The following KMT5A variants were observed in gnomAD, a reference collection of about 807,000 sequenced individuals.
KMT5A encodes N-lysine methyltransferase KMT5A.
KMT5A carries 6 observed loss-of-function variants against 40.6 expected under a neutral mutation model. The observed-to-expected ratio is 0.15, with a 90% CI of 0.08 to 0.29. The LOEUF (loss-of-function observed/expected upper bound fraction) is 0.29, where lower values mean the gene tolerates loss of function less well. Ranked by LOEUF, KMT5A falls within the 10% of genes least tolerant of loss-of-function variation. The pLI is 1.00. For missense variants in KMT5A, 308 were observed against 459.1 expected, an observed-to-expected ratio of 0.67 and a Z score of 3.01; for synonymous variants, 153 against 178.8, an observed-to-expected ratio of 0.86 and a Z score of 1.15.
In KMT5A at chr12:123,384,686, C is replaced by A. The variant is rs892915894; in HGVS notation, c.10+478C>A. 6.6e-6 allele frequency among the ~76,000 whole-genome samples: 1 copy of A among 152,250 alleles called. No individual in the cohort carries two copies. The highest frequency in any genetic ancestry group is 1.5e-5 in the Non-Finnish European group (1 of 68,048). The stretch of plus-strand genomic sequence containing the variant: ...GCGTCAGGGTGGACACCGCAGCAGG[C>A]GCCTTTCCTCCCTCCCCACGTCCTG... On this transcript the variant is annotated intron_variant, in intron 1 of 7. Coordinates refer to ENST00000402868, the MANE Select transcript of KMT5A (RefSeq NM_020382.7). This position sits in a 1 kb window ranked among gnomAD's most constrained non-coding sequence, Gnocchi z 5.7.
chr12:123,384,376 C>T lies in KMT5A; in HGVS notation c.10+168C>T, dbSNP rs1457843105. ...GGGTGCTGCTGCGGAACCCGCCGGC[C>T]CCCCCTTGCGGCTCCAGATGCCCCC... On this transcript the variant is annotated intron_variant, in intron 1 of 7. Coordinates refer to ENST00000402868, the MANE Select transcript of KMT5A (RefSeq NM_020382.7). The surrounding 1 kb of genome is among the most constrained non-coding windows in gnomAD (Gnocchi z 5.7). Among the ~76,000 whole-genome samples, 2 of 152,160 alleles carry T rather than the reference C, an allele frequency of 1.3e-5. No individual in the cohort carries two copies. The highest frequency in any genetic ancestry group is 2.9e-5 in the Non-Finnish European group (2 of 68,012).
At chr12:123,392,797 G>C (rs1263062424) in intron 3 of KMT5A, among the ~76,000 whole-genome samples, 4 of 152,212 alleles carry the variant, frequency 2.6e-5, no homozygotes, top group Non-Finnish European at 4.4e-5. Flanking sequence ...TCCTGGGCCT[G>C]ATGTCCTGGC....
At chr12:123,393,516 G>C (rs146874808) in intron 3 of KMT5A, among the ~76,000 whole-genome samples, 1 of 151,932 alleles carries the variant, frequency 6.6e-6, no homozygotes, top group Non-Finnish European at 1.5e-5. Flanking sequence ...GTTCATCCGC[G>C]GTGTAATAAG....
At chr12:123,386,210 A>ATTTTTT (rs59509232) in intron 1 of KMT5A, among the ~76,000 whole-genome samples, 1 of 79,838 alleles carries the variant, frequency 1.3e-5, no homozygotes, top group Non-Finnish European at 2.5e-5. Flanking sequence ...TTAGATTTAG[A>ATTTTTT]TTTTTTTTTT....
At chr12:123,396,260 T>A in intron 4 of KMT5A, 85 bp from the exon 5 acceptor site, 1 of 1,284,302 alleles carries the variant, frequency 7.8e-7, no homozygotes, top group South Asian at 1.2e-5. Flanking sequence ...GCTGTGTGCC[T>A]CCTCGGTGTG....
At chr12:123,390,496 G>A (rs1877219424) in intron 2 of KMT5A, 134 bp from the exon 3 acceptor site, 2 of 1,057,882 alleles carry the variant, frequency 1.9e-6, no homozygotes, top group South Asian at 3.1e-5. Flanking sequence ...GACAATGGGG[G>A]CTGGCATCCC....
intron 1 of KMT5A, among the ~76,000 whole-genome samples, chr12:123,385,707 C>T (rs994511428): frequency 7.2e-5 from 11 of 151,926 alleles, no homozygotes; most frequent in African/African-American, 1.2e-4. Context: ...CAAAATTAGC[C>T]GGGCATGGCA....
rs542896969 is a variant in KMT5A, at chr12:123,408,469, A to T, written c.*766A>T. ...GAAATGTGAACACTGAATTTATTTT[A>T]AAAAATAATAATAAAAATTTAAAAA... On this transcript the variant is annotated 3_prime_UTR_variant, in exon 8 of 8. Transcript: ENST00000402868. The T allele has an allele frequency of 1.3e-5, 2 of 150,988 alleles. No homozygotes were observed. The highest frequency in any genetic ancestry group is 4.9e-5 in the African/African-American group (2 of 40,954). 9.4% of individuals were successfully genotyped at this position (150,988 alleles called of 1,614,324 possible). A position where few individuals can be genotyped will look rare whatever the true frequency, so the allele number is the denominator to read the frequency against.
Position 123,403,553 on chromosome 12 carries a change from T to C in KMT5A, c.598-20T>C. On this transcript the variant is annotated intron_variant, in intron 5 of 7. Transcript: ENST00000402868. ...GCCTAGGAGAAGATACTGATGCTGT[T>C]TTTCTTTCTCTCTGCCCAGTCTGAA... 1 of 1,614,068 alleles carries C rather than the reference T, an allele frequency of 6.2e-7. No homozygotes were observed. The highest frequency in any genetic ancestry group is 8.5e-7 in the Non-Finnish European group (1 of 1,179,890).
At chr12:123,393,484 C>T (rs142421152) in intron 3 of KMT5A, among the ~76,000 whole-genome samples, 35 of 152,288 alleles carry the variant, frequency 2.3e-4, no homozygotes, top group African/African-American at 7.9e-4. Context: ...TGGCTTCTTT[C>T]ACTGAGCATC....
At chr12:123,400,464 A>G (rs566139403) in intron 5 of KMT5A, among the ~76,000 whole-genome samples, 1 of 149,370 alleles carries the variant, frequency 6.7e-6, no homozygotes. Context: ...AGGTTCAAGC[A>G]ATTCTCCTGC....
At position 123,407,846 on chromosome 12, in the gene KMT5A, T is replaced by G; in HGVS notation, c.*143T>G. ...TTTAAAAAGTATATTAAGATGCCTT[T>G]TCACTGTAGTATTTAAATATCTGTT... On this transcript the variant is annotated 3_prime_UTR_variant, in exon 8 of 8. Transcript: ENST00000402868. 6 of 618,648 alleles carry G rather than the reference T, an allele frequency of 9.7e-6. No homozygotes were observed. The East Asian group carries it at 1.4e-4, about 14-fold the overall frequency. The allele number at this position is 618,648 out of a possible 1,614,324, so 38.3% of individuals were successfully genotyped here. A position where few individuals can be genotyped will look rare whatever the true frequency, so the allele number is the denominator to read the frequency against.
rs1876784700 is a variant in KMT5A, at chr12:123,384,936, C to G, written c.10+728C>G. ...GTCAGGACAGTGCCTCCCAGGTATG[C>G]GGCAAAGAGATCTCCAACCGCTTGG... On this transcript the variant is annotated intron_variant, in intron 1 of 7. Coordinates refer to ENST00000402868, the MANE Select transcript of KMT5A (RefSeq NM_020382.7). The surrounding 1 kb of genome is among the most constrained non-coding windows in gnomAD (Gnocchi z 5.7). Among the ~76,000 whole-genome samples, 1 of 152,050 alleles carries G rather than the reference C, an allele frequency of 6.6e-6. No homozygotes were observed. The highest frequency in any genetic ancestry group is 6.6e-5 in the Admixed American group (1 of 15,258).
Position 123,384,308 on chromosome 12 carries a change from G to A in KMT5A, c.10+100G>A. 1 of 1,510,462 alleles carries A rather than the reference G, an allele frequency of 6.6e-7. No individual in the cohort carries two copies. Among genetic ancestry groups the A allele is most frequent in the Non-Finnish European group, 9.0e-7 (1 of 1,115,106 alleles). 93.6% of individuals were successfully genotyped at this position (1,510,462 alleles called of 1,614,324 possible). A position where few individuals can be genotyped will look rare whatever the true frequency, so the allele number is the denominator to read the frequency against. On this transcript the variant is annotated intron_variant, in intron 1 of 7. Coordinates refer to ENST00000402868, the MANE Select transcript of KMT5A (RefSeq NM_020382.7). The surrounding 1 kb of genome is among the most constrained non-coding windows in gnomAD (Gnocchi z 5.7). ...GCGGCTGCGGGGAGGCGTCCTCCTCGGGTGGCTCGGGGCAAGCTTGGGGAC... is the reference window on the plus strand; with the variant it reads ...GCGGCTGCGGGGAGGCGTCCTCCTCAGGTGGCTCGGGGCAAGCTTGGGGAC...
intron 1 of KMT5A, among the ~76,000 whole-genome samples, chr12:123,387,166 G>A (rs1460889963): frequency 6.6e-6 from 1 of 152,122 alleles, no homozygotes; most frequent in Non-Finnish European, 1.5e-5. Context: ...TGGTGTATTT[G>A]TTATATACGT....
At chr12:123,399,887 G>A (rs1283339497) in intron 5 of KMT5A, among the ~76,000 whole-genome samples, 2 of 152,054 alleles carry the variant, frequency 1.3e-5, no homozygotes, top group Non-Finnish European at 2.9e-5. Flanking sequence ...GCAATGGCGC[G>A]ATCTTGGCTC....
chr12:123,401,014 C>T (rs895218477), intron 5 of KMT5A, among the ~76,000 whole-genome samples: 6 of 151,602 alleles, frequency 4.0e-5, no homozygotes, highest in East Asian at 1.9e-4. Context: ...AGGCTGGTCT[C>T]GAACTCCTGA....
At position 123,396,364 on chromosome 12, in the gene KMT5A, C is replaced by G; in HGVS notation, c.529C>G (p.Gln177Glu). The change falls in exon 5 of 8, where the codon CAG becomes GAG. Residue 177 changes from glutamine (Q) to glutamate (E), a missense_variant. Gln to Glu is a conservative substitution (Grantham distance 29). Around this residue, in one of 4 missense-constraint regions of KMT5A, gnomAD observed 127 missense variants for 129.8 expected, o/e 0.98. Coordinates refer to ENST00000402868, the MANE Select transcript of KMT5A (RefSeq NM_020382.7). Reference sequence around the variant, plus strand: ...ACCCAGAGCTCAAGGAAAAACGCAACAGAATCGCAAACTTACGGATTTCTA... The same window carrying G: ...ACCCAGAGCTCAAGGAAAAACGCAAGAGAATCGCAAACTTACGGATTTCTA... ...PRKKAQGKTQQNRKLTDFYPV... is the reference protein window; with the variant it reads ...PRKKAQGKTQENRKLTDFYPV... 6.2e-7 allele frequency: 1 copy of G among 1,613,580 alleles called. No homozygotes were observed. The highest frequency in any genetic ancestry group is 2.2e-5 in the East Asian group (1 of 44,880).
chr12:123,400,915 C>T (rs1878105876), intron 5 of KMT5A, among the ~76,000 whole-genome samples: 1 of 151,822 alleles, frequency 6.6e-6, no homozygotes, highest in Non-Finnish European at 1.5e-5. Flanking sequence ...TGGCCTGAGA[C>T]TCCCAAGTAG....
Sources: gnomAD v4.1 joint callset for allele counts (sites outside exome capture counted in the v4.1 genomes callset) on GRCh38, gnomAD v4.1.1 for gene constraint, gnomAD v4.1.1 regional missense constraint, Gnocchi (gnomAD v3.1) non-coding constraint, MANE v1.5 for transcripts, NCBI Gene and HGNC (gene_info 2026-07-23, HGNC 2026-07-21) for gene names.